The following CASZ1 variants were observed in gnomAD, a reference collection of about 807,000 sequenced individuals.
CASZ1 encodes the protein zinc finger protein castor homolog 1.
CASZ1 carries 28 observed loss-of-function variants against 135.2 expected under a neutral mutation model. That is an observed-to-expected ratio of 0.21 (90% CI 0.15 to 0.28). The LOEUF (loss-of-function observed/expected upper bound fraction) is 0.28, where lower values mean the gene tolerates loss of function less well. CASZ1 is among the 10% of genes least tolerant of loss of function. CASZ1 has a pLI of 1.00. For synonymous variants in CASZ1, 1,068 were observed against 1,073.4 expected, an observed-to-expected ratio of 0.99 and a Z score of 0.10; for missense variants, 2,161 against 2,453.3, an observed-to-expected ratio of 0.88 and a Z score of 2.52.
intron 4 of CASZ1, among the ~76,000 whole-genome samples, chr1:10,690,469 C>T (rs949540485): frequency 6.6e-6 from 1 of 152,236 alleles, no homozygotes; most frequent in East Asian, 1.9e-4. Context: ...ATGAGCCAGC[C>T]TGGCCCAGCT....
At chr1:10,663,981 C>T (rs1235300066) in intron 5 of CASZ1, among the ~76,000 whole-genome samples, 1 of 152,246 alleles carries the variant, frequency 6.6e-6, no homozygotes, top group East Asian at 1.9e-4. Context: ...CCTCTCCTCT[C>T]CTCAGGCCCA....
chr1:10,658,332 C>T, intron 7 of CASZ1, 176 bp downstream of exon 7: 1 of 610,898 alleles, frequency 1.6e-6, no homozygotes. Flanking sequence ...AGGGAGGCTC[C>T]CAAACGGGCG....
At chr1:10,683,121 G>A (rs969922586) in intron 4 of CASZ1, among the ~76,000 whole-genome samples, 5 of 152,136 alleles carry the variant, frequency 3.3e-5, no homozygotes, top group Non-Finnish European at 5.9e-5. Context: ...AGTTACAATC[G>A]GATCACACCA....
At position 10,640,004 on chromosome 1, in the gene CASZ1, G is replaced by A; in HGVS notation, c.4218C>T (p.Ile1406=). 1.2e-6 allele frequency: 2 copies of A among 1,612,238 alleles called. No individual in the cohort carries two copies. The highest frequency in any genetic ancestry group is 8.5e-7 in the Non-Finnish European group (1 of 1,180,008). Residue 1406 remains isoleucine, a synonymous_variant, in exon 21 of 21, where the codon ATC becomes ATT. Coordinates refer to ENST00000377022, the MANE Select transcript of CASZ1 (RefSeq NM_001079843.3). ...ASGAKKRFWI[I]EDMSPFGKRR... ...GCTTGCCGAAGGGCGACATGTCCTCGATGATCCAGAAGCGCTTTTTGGCCC... is the reference window on the plus strand; with the variant it reads ...GCTTGCCGAAGGGCGACATGTCCTCAATGATCCAGAAGCGCTTTTTGGCCC...
intron 9 of CASZ1, 23 bp downstream of exon 9, chr1:10,655,626 G>A (rs1367452168): frequency 6.3e-7 from 1 of 1,599,334 alleles, no homozygotes; most frequent in Admixed American, 1.7e-5. Flanking sequence ...CAGCTGCCCA[G>A]TGGGCCCGGG....
At position 10,762,395 on chromosome 1, in the gene CASZ1, T is replaced by C. The variant is rs920459303; in HGVS notation, c.-233-1538A>G. Reference sequence around the variant, plus strand: ...GTGATTTGGGGGAAGTGGATTTCCTTTGTTTTCCAGTTTGGGAATATTTTT... The same window carrying C: ...GTGATTTGGGGGAAGTGGATTTCCTCTGTTTTCCAGTTTGGGAATATTTTT... On this transcript the variant is annotated intron_variant, in intron 1 of 20. Coordinates refer to ENST00000377022, the MANE Select transcript of CASZ1 (RefSeq NM_001079843.3). The surrounding 1 kb of genome is among the most constrained non-coding windows in gnomAD (Gnocchi z 4.1). Among the ~76,000 whole-genome samples the C allele has an allele frequency of 6.6e-6, 1 of 152,174 alleles. No homozygotes were observed. Among genetic ancestry groups the C allele is most frequent in the Admixed American group, 6.5e-5 (1 of 15,280 alleles).
At position 10,741,647 on chromosome 1, in the gene CASZ1, C is replaced by T. The variant is rs1471263088; in HGVS notation, c.-77+19054G>A. On this transcript the variant is annotated intron_variant, in intron 2 of 20. Transcript: ENST00000377022. The surrounding 1 kb of genome is among the most constrained non-coding windows in gnomAD (Gnocchi z 5.0). ...CGAAACTCACCCTCAACTGAGAATC[C>T]ACAAGGAGGGAAACAATTTCCCCAT... Among the ~76,000 whole-genome samples, 1 of 152,044 alleles carries T rather than the reference C, an allele frequency of 6.6e-6. No individual in the cohort carries two copies. Among genetic ancestry groups the T allele is most frequent in the East Asian group, 1.9e-4 (1 of 5,180 alleles).
chr1:10,669,007 G>C (rs548179563), intron 4 of CASZ1, among the ~76,000 whole-genome samples: 1 of 152,184 alleles, frequency 6.6e-6, no homozygotes, highest in South Asian at 2.1e-4. Flanking sequence ...TCCTAGGTTC[G>C]GGACCTTCCC....
intron 4 of CASZ1, among the ~76,000 whole-genome samples, chr1:10,673,188 T>A (rs560659465): frequency 6.0e-4 from 91 of 152,308 alleles, no homozygotes; most frequent in African/African-American, 1.8e-3. Context: ...TTGGTTTTTT[T>A]AAATAATTTA....
rs1639004156 is a variant in CASZ1 at position 10,699,013 on chromosome 1, T to TG, written c.-23-5102dup. On this transcript the variant is annotated intron_variant, in intron 3 of 20. Transcript: ENST00000377022. The surrounding 1 kb of genome is among the most constrained non-coding windows in gnomAD (Gnocchi z 4.6). ...CCCCACCGCTCCCCCACCCATGGCC[T>TG]GGCCTGGGTTGGGGGTGGGAGCAAG... Among the ~76,000 whole-genome samples the TG allele has an allele frequency of 6.6e-6, 1 of 152,166 alleles. No homozygotes were observed. Among genetic ancestry groups the TG allele is most frequent in the South Asian group, 2.1e-4 (1 of 4,830 alleles).
rs1029016346 is a variant in CASZ1, at chr1:10,776,011, C to T, written c.-233-15154G>A. 1.3e-5 allele frequency among the ~76,000 whole-genome samples: 2 copies of T among 152,206 alleles called. No homozygotes were observed. Among genetic ancestry groups the T allele is most frequent in the Admixed American group, 6.5e-5 (1 of 15,284 alleles). The stretch of plus-strand genomic sequence containing the variant: ...GTCAGGGCTCCCGCCTCCCAAGTCC[C>T]CATCAGTGGGGTCTGCTCGGTCCCT... On this transcript the variant is annotated intron_variant, in intron 1 of 20. Transcript: ENST00000377022. This position sits in a 1 kb window ranked among gnomAD's most constrained non-coding sequence, Gnocchi z 4.1.
Position 10,637,210 on chromosome 1 carries a change from G to A in CASZ1, c.*1732C>T, listed in dbSNP as rs1274329141. On this transcript the variant is annotated 3_prime_UTR_variant, in exon 21 of 21. Transcript: ENST00000377022. ...CCTTTACAAAACTCCTTCCACAGAC[G>A]CCCGGGGCCTGTGGCGGGTCACTGT... is the stretch of plus-strand genomic sequence containing the variant. 4 of 151,152 alleles carry A rather than the reference G, an allele frequency of 2.6e-5. No individual in the cohort carries two copies. Among genetic ancestry groups the A allele is most frequent in the Admixed American group, 1.3e-4 (2 of 15,132 alleles). 9.4% of individuals were successfully genotyped at this position (151,152 alleles called of 1,614,324 possible). A position where few individuals can be genotyped will look rare whatever the true frequency, so the allele number is the denominator to read the frequency against.
At position 10,653,653 on chromosome 1, in the gene CASZ1, A is replaced by G. The variant is rs370863614; in HGVS notation, c.2404T>C (p.Phe802Leu). 155 of 1,553,716 alleles carry G rather than the reference A, an allele frequency of 1.0e-4. No homozygotes were observed. Among genetic ancestry groups the G allele is most frequent in the Non-Finnish European group, 1.3e-4 (154 of 1,149,542 alleles). Residue 802 changes from phenylalanine to leucine, a missense_variant, in exon 11 of 21, where the codon TTC becomes CTC. Coordinates refer to ENST00000377022, the MANE Select transcript of CASZ1 (RefSeq NM_001079843.3). ...CTCCCACGGCCAGCCAGTATGGGGA[A>G]GTAGGGCGTGGGGGTGGGCAGGCCC... ...NSGLPTPTPY[F>L]PILAGRGSTS...
At position 10,709,388 on chromosome 1, in the gene CASZ1, A is replaced by C. The variant is rs966000739; in HGVS notation, c.-76-3844T>G. Reference sequence around the variant, plus strand: ...GCCATGTCAGCCCGGCAGTGTGAGGAGGGGGGCGGCATAGACAACAGGGGC... The same window carrying C: ...GCCATGTCAGCCCGGCAGTGTGAGGCGGGGGGCGGCATAGACAACAGGGGC... On this transcript the variant is annotated intron_variant, in intron 2 of 20. Coordinates refer to ENST00000377022, the MANE Select transcript of CASZ1 (RefSeq NM_001079843.3). This position sits in a 1 kb window ranked among gnomAD's most constrained non-coding sequence, Gnocchi z 5.1. Among the ~76,000 whole-genome samples, 1 of 151,940 alleles carries C rather than the reference A, an allele frequency of 6.6e-6. No homozygotes were observed.
At chr1:10,790,314 G>T (rs11121624) in intron 1 of CASZ1, among the ~76,000 whole-genome samples, 1 of 152,130 alleles carries the variant, frequency 6.6e-6, no homozygotes, top group African/African-American at 2.4e-5. Flanking sequence ...TCGGTCTGCC[G>T]GGCTGCCCTT....
chr1:10,653,381 G>A lies in CASZ1; in HGVS notation c.2676C>T (p.Asp892=), dbSNP rs1642662247. The change falls in exon 11 of 21, where the codon GAC becomes GAT. Residue 892 remains aspartate (D), a synonymous_variant. Transcript: ENST00000377022. ...AAALKPSATF[D]PGSGQQVTPA... Reference sequence around the variant, plus strand: ...GGCAGGACCCAGCCTGCTCACCTGGGTCAAAGGTGGCAGAGGGCTTGAGGG... The same window carrying A: ...GGCAGGACCCAGCCTGCTCACCTGGATCAAAGGTGGCAGAGGGCTTGAGGG... The A allele has an allele frequency of 1.2e-6, 2 of 1,613,124 alleles. No homozygotes were observed. The highest frequency in any genetic ancestry group is 2.7e-5 in the African/African-American group (2 of 74,960).
intron 4 of CASZ1, among the ~76,000 whole-genome samples, chr1:10,682,209 G>A (rs372911489): frequency 2.1e-4 from 32 of 152,286 alleles, no homozygotes; most frequent in African/African-American, 6.7e-4. Flanking sequence ...TGGGACAGCC[G>A]CAGCTAAGGG....
intron 15 of CASZ1, 103 bp downstream of exon 15, chr1:10,648,967 G>T: frequency 6.8e-7 from 1 of 1,469,282 alleles, no homozygotes; most frequent in Non-Finnish European, 9.2e-7. Flanking sequence ...CTCAGCTTCT[G>T]TGGCCCAGCG....
chr1:10,765,556 C>T (rs1640459670), intron 1 of CASZ1, among the ~76,000 whole-genome samples: 2 of 152,154 alleles, frequency 1.3e-5, no homozygotes, highest in African/African-American at 4.8e-5. Flanking sequence ...ACAGGGCAGA[C>T]ACATACACAA....
Sources: gnomAD v4.1 joint callset for allele counts (sites outside exome capture counted in the v4.1 genomes callset) on GRCh38, gnomAD v4.1.1 for gene constraint, Gnocchi (gnomAD v3.1) non-coding constraint, MANE v1.5 for transcripts, NCBI Gene and HGNC (gene_info 2026-07-23, HGNC 2026-07-21) for gene names.